The following ARNT variants were observed in gnomAD, a reference collection of about 807,000 sequenced individuals.
The protein encoded by ARNT is aryl hydrocarbon receptor nuclear translocator.
A neutral mutation model predicts 105.0 loss-of-function variants in ARNT; 30 were observed. That is an observed-to-expected ratio of 0.29 (90% CI 0.21 to 0.39). The LOEUF (loss-of-function observed/expected upper bound fraction) is 0.39. ARNT is among the 10% of genes least tolerant of loss of function. The probability of loss-of-function intolerance (pLI) is 1.00; values close to 1 mark genes in which losing one functional copy is unlikely to be tolerated. For synonymous variants in ARNT, 304 were observed against 344.0 expected (o/e 0.88, Z 1.29); for missense variants, 748 against 978.7 (o/e 0.76, Z 3.15).
Position 150,811,260 on chromosome 1 carries a change from T to C in ARNT, c.*761A>G, listed in dbSNP as rs1193668100. 1 of 233,708 alleles carries C rather than the reference T, an allele frequency of 4.3e-6. No homozygotes were observed. Among genetic ancestry groups the C allele is most frequent in the Non-Finnish European group, 8.5e-6 (1 of 118,022 alleles). The allele number at this position is 233,708 out of a possible 1,614,324, so 14.5% of individuals were successfully genotyped here. A position where few individuals can be genotyped will look rare whatever the true frequency, so the allele number is the denominator to read the frequency against. ...CTATATTTGCTTTACAGTTGTATAT[T>C]GGCTGGGCATGGATGCAAGCGCAGC... On this transcript the variant is annotated 3_prime_UTR_variant, in exon 22 of 22. Transcript: ENST00000358595.
chr1:150,867,165 C>G (rs1482978869), intron 1 of ARNT, among the ~76,000 whole-genome samples: 1 of 151,986 alleles, frequency 6.6e-6, no homozygotes, highest in Non-Finnish European at 1.5e-5. Context: ...GATCGCACCA[C>G]TGCACTCCAG....
intron 2 of ARNT, chr1:150,853,160 AAT>A (rs1663946946): frequency 2.3e-5 from 7 of 310,518 alleles, no homozygotes; most frequent in South Asian, 1.8e-4. Flanking sequence ...GGGTGCCTGT[AAT>A]CTCAGCTACT....
At chr1:150,842,801 A>G (rs912250157) in intron 4 of ARNT, among the ~76,000 whole-genome samples, 2 of 152,242 alleles carry the variant, frequency 1.3e-5, no homozygotes, top group African/African-American at 4.8e-5. Flanking sequence ...CATTTTGCCA[A>G]TCGATCTCTG....
chr1:150,866,987 C>T (rs1056620718), intron 1 of ARNT, among the ~76,000 whole-genome samples: 2 of 152,126 alleles, frequency 1.3e-5, no homozygotes, highest in Non-Finnish European at 2.9e-5. Flanking sequence ...AGGTGGATCA[C>T]TTGAGGACGG....
At position 150,858,383 on chromosome 1, in the gene ARNT, C is replaced by T. The variant is rs201499435; in HGVS notation, c.103G>A (p.Ala35Thr). 5.7e-5 allele frequency: 92 copies of T among 1,609,130 alleles called. No homozygotes were observed. The highest frequency in any genetic ancestry group is 7.6e-5 in the Non-Finnish European group (90 of 1,177,696). ...NSGPGIQGGGAIVQRAIKRRP... is the reference protein window; with the variant it reads ...NSGPGIQGGGTIVQRAIKRRP... ...CGCTTAATAGCCCTCTGGACAATGG[C>T]TCCTCCACCTTGAATTCCAGGTCCA... Residue 35 changes from alanine (A) to threonine (T), a missense_variant, in exon 2 of 22, where the codon GCC becomes ACC. Ala to Thr is a moderately conservative substitution (Grantham distance 58). Coordinates refer to ENST00000358595, the MANE Select transcript of ARNT (RefSeq NM_001668.4).
intron 3 of ARNT, among the ~76,000 whole-genome samples, chr1:150,851,440 T>G (rs1464862232): frequency 6.6e-6 from 1 of 152,228 alleles, no homozygotes; most frequent in African/African-American, 2.4e-5. Flanking sequence ...GGGGAAAAGA[T>G]AGAGAAATCA....
At chr1:150,821,363 G>C (rs587660138) in intron 14 of ARNT, among the ~76,000 whole-genome samples, 1 of 152,250 alleles carries the variant, frequency 6.6e-6, no homozygotes, top group South Asian at 2.1e-4. Context: ...CACTCAACAC[G>C]ATGAAAAATA....
chr1:150,846,022 T>C (rs1467437729), intron 4 of ARNT, among the ~76,000 whole-genome samples: 1 of 152,230 alleles, frequency 6.6e-6, no homozygotes, highest in Middle Eastern at 3.2e-3. Flanking sequence ...GCAAGCACAT[T>C]GCTTTAGTTA....
intron 1 of ARNT, among the ~76,000 whole-genome samples, chr1:150,864,434 A>G (rs916251827): frequency 5.9e-5 from 9 of 152,068 alleles, no homozygotes; most frequent in African/African-American, 2.2e-4. Flanking sequence ...ATGCAGCCAT[A>G]AAAAATGATG....
At chr1:150,851,253 C>T (rs1348240512) in intron 3 of ARNT, among the ~76,000 whole-genome samples, 9 of 146,180 alleles carry the variant, frequency 6.2e-5, no homozygotes, top group Middle Eastern at 3.6e-3. Context: ...GGGGCGCCTC[C>T]GCCCAGCCGC....
Position 150,836,289 on chromosome 1 carries a change from C to A in ARNT, c.691G>T (p.Ala231Ser). 6.2e-7 allele frequency: 1 copy of A among 1,614,066 alleles called. No individual in the cohort carries two copies. Among genetic ancestry groups the A allele is most frequent in the African/African-American group, 1.3e-5 (1 of 75,038 alleles). ...TACACATAACTCTCACCTGTCAGGG[C>A]ATTTTCTGAAGTGGAAAGCTGCTCA... is the stretch of plus-strand genomic sequence containing the variant. ...LREQLSTSEN[A>S]LTGRILDLKT... The change falls in exon 7 of 22, where the codon GCC becomes TCC. Residue 231 changes from alanine to serine, a missense_variant. By Grantham distance (99) the Ala-to-Ser change is moderately conservative. Transcript: ENST00000358595.
intron 1 of ARNT, among the ~76,000 whole-genome samples, chr1:150,869,541 CTCCT>C (rs1482567579): frequency 2.0e-5 from 3 of 149,960 alleles, no homozygotes; most frequent in African/African-American, 7.5e-5. Context: ...TAGGAAACTA[CTCCT>C]TTTTTTTTTT....
At chr1:150,844,116 G>C (rs1264002298) in intron 4 of ARNT, among the ~76,000 whole-genome samples, 6 of 152,138 alleles carry the variant, frequency 3.9e-5, no homozygotes, top group Non-Finnish European at 7.4e-5. Flanking sequence ...AATGAAGCTT[G>C]AAAAACTATC....
At position 150,847,852 on chromosome 1, in the gene ARNT, T is replaced by C. The variant is rs1223698159; in HGVS notation, c.183-1545A>G. Among the ~76,000 whole-genome samples the C allele has an allele frequency of 4.6e-5, 7 of 152,234 alleles. No homozygotes were observed. In the South Asian group the frequency reaches 1.4e-3, roughly 31 times the overall value. ...ACCTCTTAGAGAATTATACTTCCAC[T>C]TGCAACTATTTCTTTATGATGGCCA... On this transcript the variant is annotated intron_variant, in intron 3 of 21. Coordinates refer to ENST00000358595, the MANE Select transcript of ARNT (RefSeq NM_001668.4).
intron 11 of ARNT, 109 bp downstream of exon 11, chr1:150,829,795 T>A (rs1659000430): frequency 8.3e-7 from 1 of 1,204,252 alleles, no homozygotes. Context: ...TTGAGAGTTT[T>A]ATGGAATTCT....
chr1:150,855,483 A>G (rs2102246403), intron 2 of ARNT, among the ~76,000 whole-genome samples: 1 of 151,964 alleles, frequency 6.6e-6, no homozygotes, highest in South Asian at 2.1e-4. Flanking sequence ...AATAGCATGA[A>G]CCCAGGAGGC....
chr1:150,827,189 A>G (rs1658465363), intron 12 of ARNT, among the ~76,000 whole-genome samples: 1 of 152,198 alleles, frequency 6.6e-6, no homozygotes, highest in Non-Finnish European at 1.5e-5. Flanking sequence ...TTTAGATAAA[A>G]TTTACATTCA....
At chr1:150,860,264 G>A (rs1665392980) in intron 1 of ARNT, among the ~76,000 whole-genome samples, 1 of 131,208 alleles carries the variant, frequency 7.6e-6, no homozygotes, top group African/African-American at 3.0e-5. Flanking sequence ...CGCCCAGGCT[G>A]GAGTGCAGTG....
rs1258270456 is a variant in ARNT at position 150,810,965 on chromosome 1, G to A, written c.*1056C>T. ...CGTATTTGGTTTACACTCCAACAAT[G>A]AGGATTTTCACTGGGACGGCTAATC... On this transcript the variant is annotated 3_prime_UTR_variant, in exon 22 of 22. Coordinates refer to ENST00000358595, the MANE Select transcript of ARNT (RefSeq NM_001668.4). The A allele has an allele frequency of 8.7e-6, 2 of 229,564 alleles. No individual in the cohort carries two copies. The highest frequency in any genetic ancestry group is 5.7e-5 in the Admixed American group (1 of 17,644). 14.2% of individuals were successfully genotyped at this position (229,564 alleles called of 1,614,324 possible).
Sources: allele counts gnomAD v4.1 joint callset (sites outside exome capture counted in the v4.1 genomes callset), GRCh38; gene constraint gnomAD v4.1.1; transcripts MANE v1.5; gene names NCBI Gene and HGNC (gene_info 2026-07-23, HGNC 2026-07-21).